Variants in FARP1 observed in about 807,000 individuals in gnomAD.
FARP1 encodes FERM, ARH/RhoGEF and pleckstrin domain protein 1.
A neutral mutation model predicts 128.8 loss-of-function variants in FARP1; 52 were observed. The ratio of observed to expected loss-of-function variants is 0.40; its 90% CI spans 0.32 to 0.51. FARP1 has a LOEUF of 0.51. FARP1 is among the 20% of genes least tolerant of loss of function. The probability of loss-of-function intolerance (pLI) is 0.45; values close to 1 mark genes in which losing one functional copy is unlikely to be tolerated. For synonymous variants in FARP1, 580 were observed against 551.8 expected (o/e 1.05, Z -0.72); for missense variants, 1,333 against 1,367.9 (o/e 0.97, Z 0.40).
chr13:98,423,331 G>A (rs1444285100), intron 16 of FARP1, among the ~76,000 whole-genome samples: 2 of 152,048 alleles, frequency 1.3e-5, no homozygotes, highest in South Asian at 4.1e-4. Context: ...TGTAGATCCC[G>A]GGTCCCTCCT....
intron 6 of FARP1, among the ~76,000 whole-genome samples, chr13:98,382,990 G>A (rs989998735): frequency 1.3e-5 from 2 of 152,180 alleles, no homozygotes; most frequent in African/African-American, 4.8e-5. Flanking sequence ...AATTGGCAAA[G>A]TATATTTAAG....
chr13:98,440,846 G>A lies in FARP1; in HGVS notation c.2796+10G>A. The A allele has an allele frequency of 6.3e-7, 1 of 1,588,228 alleles. No homozygotes were observed. Among genetic ancestry groups the A allele is most frequent in the Non-Finnish European group, 8.6e-7 (1 of 1,169,166 alleles). ...CAGCATCGCAGTGGAGGTACGCAGGGGCAGGGCAGCTCTGGTTCCCAGCTT... is the reference window on the plus strand; with the variant it reads ...CAGCATCGCAGTGGAGGTACGCAGGAGCAGGGCAGCTCTGGTTCCCAGCTT... On this transcript the variant is annotated intron_variant, in intron 24 of 26. Coordinates refer to ENST00000319562, the MANE Select transcript of FARP1 (RefSeq NM_005766.4).
In FARP1 at chr13:98,454,577, T is replaced by C. The variant is rs1893362986; in HGVS notation, c.*6260T>C. 6.6e-6 allele frequency: 1 copy of C among 152,222 alleles called. No homozygotes were observed. 9.4% of individuals were successfully genotyped at this position (152,222 alleles called of 1,614,324 possible). On this transcript the variant is annotated 3_prime_UTR_variant, in exon 27 of 27. Transcript: ENST00000319562. ...ATGACTAAATCACGGGATGAGTTGA[T>C]GTCACACAAAAGAATCCAAACATTA...
chr13:98,215,008 G>A (rs571946763), intron 2 of FARP1, among the ~76,000 whole-genome samples: 5 of 152,244 alleles, frequency 3.3e-5, no homozygotes, highest in East Asian at 1.9e-4. Flanking sequence ...TCTATTACAC[G>A]GTGTTTCTGA....
chr13:98,227,319 A>C (rs1443075664), intron 2 of FARP1, among the ~76,000 whole-genome samples: 1 of 152,168 alleles, frequency 6.6e-6, no homozygotes, highest in Non-Finnish European at 1.5e-5. Flanking sequence ...CGTTGAAAAA[A>C]TGTCTTCACC....
chr13:98,297,376 G>C (rs1382485675), intron 2 of FARP1, among the ~76,000 whole-genome samples: 1 of 152,214 alleles, frequency 6.6e-6, no homozygotes, highest in African/African-American at 2.4e-5. Context: ...TAAGCTCCAG[G>C]TGTGCAATAG....
At chr13:98,419,743 AAG>A (rs1219747763) in intron 16 of FARP1, among the ~76,000 whole-genome samples, 1 of 152,170 alleles carries the variant, frequency 6.6e-6, no homozygotes, top group African/African-American at 2.4e-5. Flanking sequence ...AGTGAAGACT[AAG>A]AGGCTTCAAA....
chr13:98,392,786 C>T (rs1267986543), intron 11 of FARP1, among the ~76,000 whole-genome samples: 13 of 151,454 alleles, frequency 8.6e-5, no homozygotes, highest in Non-Finnish European at 1.8e-4. Flanking sequence ...GGTGCTTTCT[C>T]ATGCCCTGTC....
chr13:98,180,159 G>A (rs538548516), intron 1 of FARP1, among the ~76,000 whole-genome samples: 1 of 152,268 alleles, frequency 6.6e-6, no homozygotes, highest in South Asian at 2.1e-4. Flanking sequence ...TAATTCTGTA[G>A]GCTGTACAAG....
At chr13:98,307,578 C>T (rs532539975) in intron 2 of FARP1, among the ~76,000 whole-genome samples, 4 of 152,258 alleles carry the variant, frequency 2.6e-5, no homozygotes, top group South Asian at 4.2e-4. Flanking sequence ...AGGCTCACAG[C>T]GCGTTCATGT....
intron 2 of FARP1, among the ~76,000 whole-genome samples, chr13:98,221,158 A>G (rs1881393095): frequency 6.6e-6 from 1 of 152,152 alleles, no homozygotes. Context: ...TGAGGCTCTA[A>G]TGAGATCTTC....
At chr13:98,348,393 A>G (rs1189350842) in intron 3 of FARP1, among the ~76,000 whole-genome samples, 1 of 152,260 alleles carries the variant, frequency 6.6e-6, no homozygotes, top group Non-Finnish European at 1.5e-5. Context: ...TACGGCTGCT[A>G]ATTGGTACAT....
intron 1 of FARP1, among the ~76,000 whole-genome samples, chr13:98,156,752 G>A (rs1876521995): frequency 6.6e-6 from 1 of 151,974 alleles, no homozygotes; most frequent in South Asian, 2.1e-4. Flanking sequence ...TAAAGAGACA[G>A]TGTTTTGCTG....
At chr13:98,318,137 A>G (rs1886818412) in intron 2 of FARP1, among the ~76,000 whole-genome samples, 1 of 140,440 alleles carries the variant, frequency 7.1e-6, no homozygotes. Flanking sequence ...TGGCACAATC[A>G]TGGCTCACAA....
intron 1 of FARP1, among the ~76,000 whole-genome samples, chr13:98,186,709 G>A (rs1352913473): frequency 2.6e-5 from 4 of 151,856 alleles, no homozygotes; most frequent in African/African-American, 4.8e-5. Context: ...AAGATGATAT[G>A]GGCCGGGCGT....
chr13:98,307,945 T>G (rs1886241073), intron 2 of FARP1, among the ~76,000 whole-genome samples: 2 of 151,970 alleles, frequency 1.3e-5, no homozygotes, highest in Admixed American at 1.3e-4. Flanking sequence ...GACGGCAGCC[T>G]AGCTTCCTGC....
In FARP1 at chr13:98,440,206, A is replaced by C. The variant is rs1167810427; in HGVS notation, c.2600A>C (p.Glu867Ala). The change falls in exon 23 of 27, where the codon GAG (glutamate) becomes GCG (alanine). Residue 867 changes from glutamate (E) to alanine (A), a missense_variant. Glu to Ala is a moderately radical substitution (Grantham distance 107). Coordinates refer to ENST00000319562, the MANE Select transcript of FARP1 (RefSeq NM_005766.4). ...LAEKSSSPAP[E>A]FLASSPPDNK... ...GAGAAGAGCAGCAGCCCCGCCCCTG[A>C]GTTCCTGGCCAGCAGCCCCCCTGAC... 4.3e-6 allele frequency: 7 copies of C among 1,613,830 alleles called. No individual in the cohort carries two copies. The highest frequency in any genetic ancestry group is 5.9e-6 in the Non-Finnish European group (7 of 1,179,916).
chr13:98,402,482 C>G (rs1890817173), intron 13 of FARP1: 1 of 152,180 alleles, frequency 6.6e-6, no homozygotes, highest in African/African-American at 2.4e-5. Flanking sequence ...CCTGCAGTGG[C>G]ATGGTGACCA....
At chr13:98,290,700 A>G (rs2139663457) in intron 2 of FARP1, among the ~76,000 whole-genome samples, 1 of 152,240 alleles carries the variant, frequency 6.6e-6, no homozygotes, top group South Asian at 2.1e-4. Flanking sequence ...TTTGAGTAAC[A>G]TCGTACTGGT....
Sources: gnomAD v4.1 joint callset for allele counts (sites outside exome capture counted in the v4.1 genomes callset) on GRCh38, gnomAD v4.1.1 for gene constraint, MANE v1.5 for transcripts, NCBI Gene and HGNC (gene_info 2026-07-23, HGNC 2026-07-21) for gene names.